The following ARHGAP21 variants were observed in gnomAD, a reference collection of about 807,000 sequenced individuals.
The protein encoded by ARHGAP21 is rho GTPase-activating protein 21.
In ARHGAP21, 38 loss-of-function variants were observed where a neutral mutation model predicts 164.6. The ratio of observed to expected loss-of-function variants is 0.23; its 90% CI spans 0.18 to 0.30. The LOEUF (loss-of-function observed/expected upper bound fraction) is 0.30. Among genes scored for constraint, ARHGAP21 ranks in the 10% least tolerant of loss-of-function variants. The pLI, the probability that ARHGAP21 is intolerant of heterozygous loss-of-function variation, is 1.00. For synonymous variants in ARHGAP21, 766 were observed against 857.9 expected, an observed-to-expected ratio of 0.89 and a Z score of 1.87; for missense variants, 1,822 against 2,370.7, an observed-to-expected ratio of 0.77 and a Z score of 4.81.
At chr10:24,655,786 C>T (rs1417073196) in intron 4 of ARHGAP21, among the ~76,000 whole-genome samples, 2 of 136,254 alleles carry the variant, frequency 1.5e-5, no homozygotes, top group African/African-American at 2.8e-5. Flanking sequence ...TCTTCCCAGC[C>T]GCCATCACAT....
At position 24,584,458 on chromosome 10, in the gene ARHGAP21, A is replaced by G. The variant is rs1355003442; in HGVS notation, c.5831T>C (p.Leu1944Pro). ...SSAANAQPHKLSETPGSKAEF... is the reference protein window; with the variant it reads ...SSAANAQPHKPSETPGSKAEF... ...TGCTTTACTGCCTGGGGTTTCAGACAGTTTATGAGGTTGGGCATTCGCTGC... is the reference window on the plus strand; with the variant it reads ...TGCTTTACTGCCTGGGGTTTCAGACGGTTTATGAGGTTGGGCATTCGCTGC... Residue 1944 changes from leucine to proline, a missense_variant, in exon 26 of 26, where the codon CTG (leucine) becomes CCG (proline). Physicochemically the swap from Leu to Pro is moderately conservative, Grantham distance 98. Coordinates refer to ENST00000396432, the MANE Select transcript of ARHGAP21 (RefSeq NM_020824.4). The G allele has an allele frequency of 6.2e-7, 1 of 1,613,594 alleles. No homozygotes were observed. Among genetic ancestry groups the G allele is most frequent in the South Asian group, 1.1e-5 (1 of 91,014 alleles).
intron 24 of ARHGAP21, 24 bp downstream of exon 24, chr10:24,591,201 C>A: frequency 6.4e-7 from 1 of 1,570,836 alleles, no homozygotes; most frequent in Non-Finnish European, 8.7e-7. Flanking sequence ...GCCTAGAGGT[C>A]AAGACTGCCC....
intron 2 of ARHGAP21, among the ~76,000 whole-genome samples, chr10:24,671,808 GATC>G (rs370161684): frequency 5.8e-4 from 88 of 150,716 alleles, no homozygotes; most frequent in African/African-American, 2.0e-3. Flanking sequence ...CTGCAGACTG[GATC>G]ACAGGGGCTC....
chr10:24,624,814 C>T (rs755803034), intron 7 of ARHGAP21, among the ~76,000 whole-genome samples: 1 of 152,000 alleles, frequency 6.6e-6, no homozygotes, highest in Non-Finnish European at 1.5e-5. Flanking sequence ...AATCAGACAA[C>T]ATTTAAATTT....
intron 2 of ARHGAP21, among the ~76,000 whole-genome samples, chr10:24,718,392 G>A (rs1290132586): frequency 3.9e-5 from 6 of 152,102 alleles, no homozygotes; most frequent in South Asian, 2.1e-4. Flanking sequence ...GGGTAGATAC[G>A]GAGTCACCAG....
At chr10:24,709,731 C>T (rs577281728) in intron 2 of ARHGAP21, among the ~76,000 whole-genome samples, 2 of 146,656 alleles carry the variant, frequency 1.4e-5, no homozygotes, top group South Asian at 4.5e-4. Context: ...AGAGCAAAAC[C>T]TTCTCTTAAA....
intron 5 of ARHGAP21, among the ~76,000 whole-genome samples, chr10:24,634,433 G>A (rs1836170542): frequency 6.6e-6 from 1 of 152,128 alleles, no homozygotes; most frequent in Admixed American, 6.6e-5. Context: ...ATTTTAGAGT[G>A]TGCACTAATA....
intron 2 of ARHGAP21, among the ~76,000 whole-genome samples, chr10:24,687,775 T>A (rs900370791): frequency 6.6e-6 from 1 of 152,136 alleles, no homozygotes; most frequent in East Asian, 1.9e-4. Flanking sequence ...AATGAAATAA[T>A]GCAATCCCCT....
intron 2 of ARHGAP21, among the ~76,000 whole-genome samples, chr10:24,682,115 TA>T (rs996368243): frequency 8.5e-4 from 120 of 141,680 alleles, no homozygotes; most frequent in African/African-American, 2.5e-3. Flanking sequence ...TTTAACTACC[TA>T]AAAAAAAAAA....
chr10:24,637,284 T>G (rs1836479577), intron 4 of ARHGAP21, among the ~76,000 whole-genome samples: 1 of 152,240 alleles, frequency 6.6e-6, no homozygotes, highest in African/African-American at 2.4e-5. Context: ...TCAAGTTGCT[T>G]AAAATGCAAA....
At chr10:24,679,437 A>C (rs1841566738) in intron 2 of ARHGAP21, among the ~76,000 whole-genome samples, 1 of 152,224 alleles carries the variant, frequency 6.6e-6, no homozygotes, top group Admixed American at 6.5e-5. Context: ...TACCCTCCTA[A>C]AACCATCACC....
At chr10:24,700,550 T>C (rs1843576846) in intron 2 of ARHGAP21, among the ~76,000 whole-genome samples, 1 of 152,200 alleles carries the variant, frequency 6.6e-6, no homozygotes, top group Non-Finnish European at 1.5e-5. Flanking sequence ...AACAATGAAA[T>C]ATAAAACATG....
intron 2 of ARHGAP21, among the ~76,000 whole-genome samples, chr10:24,704,289 C>CTTTT (rs201080039): frequency 7.1e-5 from 9 of 125,974 alleles, no homozygotes; most frequent in Non-Finnish European, 1.0e-4. Flanking sequence ...TTTTTCTTTT[C>CTTTT]TTTTTTTTTT....
chr10:24,634,465 GT>G (rs1245431333), intron 5 of ARHGAP21, among the ~76,000 whole-genome samples: 2 of 152,060 alleles, frequency 1.3e-5, no homozygotes, highest in African/African-American at 2.4e-5. Flanking sequence ...TCTACTTAGG[GT>G]TTATTAAAAT....
chr10:24,630,010 C>T lies in ARHGAP21; in HGVS notation c.481G>A (p.Asp161Asn). The part of the protein sequence containing the change: ...LELSVMPKDE[D>N]ILQVLQFTKD... ...ATAAAACTTACCACTTGGAGAATGT[C>T]TTCATCTTTTGGCATAACACTAAGT... Residue 161 changes from aspartate (D) to asparagine (N), a missense_variant, in exon 7 of 26, where the codon GAC (aspartate) becomes AAC (asparagine). Asp to Asn is a conservative substitution (Grantham distance 23, BLOSUM62 1). Coordinates refer to ENST00000396432, the MANE Select transcript of ARHGAP21 (RefSeq NM_020824.4). The T allele has an allele frequency of 6.4e-7, 1 of 1,571,128 alleles. No homozygotes were observed. The highest frequency in any genetic ancestry group is 8.7e-7 in the Non-Finnish European group (1 of 1,154,618).
At chr10:24,693,495 C>T (rs1038840498) in intron 2 of ARHGAP21, among the ~76,000 whole-genome samples, 4 of 152,066 alleles carry the variant, frequency 2.6e-5, no homozygotes, top group East Asian at 1.9e-4. Flanking sequence ...GGATTACAGG[C>T]GCTCGCCACC....
In ARHGAP21 at chr10:24,602,035, A is replaced by G; in HGVS notation, c.2790T>C (p.Ser930=). The part of the protein sequence containing the change: ...SRKDSSSEVF[S]DAAKEGWLHF... ...GAAGCCACCCTTCCTTGGCAGCATCACTGAAGACCTCTGAGGAAGAATCTT... is the reference window on the plus strand; with the variant it reads ...GAAGCCACCCTTCCTTGGCAGCATCGCTGAAGACCTCTGAGGAAGAATCTT... Residue 930 remains serine, a synonymous_variant, in exon 13 of 26, where the codon AGT becomes AGC. Coordinates refer to ENST00000396432, the MANE Select transcript of ARHGAP21 (RefSeq NM_020824.4). 1.9e-6 allele frequency: 3 copies of G among 1,612,676 alleles called. No individual in the cohort carries two copies. The highest frequency in any genetic ancestry group is 2.5e-6 in the Non-Finnish European group (3 of 1,179,940).
At chr10:24,616,577 C>T (rs1271965146) in intron 9 of ARHGAP21, among the ~76,000 whole-genome samples, 1 of 152,106 alleles carries the variant, frequency 6.6e-6, no homozygotes, top group Non-Finnish European at 1.5e-5. Flanking sequence ...TGAGCACACA[C>T]GCAGCCAATG....
chr10:24,629,828 A>C (rs1352056247), intron 7 of ARHGAP21, 168 bp downstream of exon 7: 1 of 680,214 alleles, frequency 1.5e-6, no homozygotes, highest in Non-Finnish European at 2.7e-6. Flanking sequence ...AAACTTGGCA[A>C]TGGTATTTTT....
Sources: allele counts gnomAD v4.1 joint callset (sites outside exome capture counted in the v4.1 genomes callset), GRCh38; gene constraint gnomAD v4.1.1; transcripts MANE v1.5; gene names NCBI Gene and HGNC (gene_info 2026-07-23, HGNC 2026-07-21).